Variants in PROSER1 observed in about 807,000 individuals in gnomAD.
PROSER1 encodes proline and serine rich 1.
Under a neutral mutation model 71.8 loss-of-function variants are expected in PROSER1, and 36 were observed. That is an observed-to-expected ratio of 0.50 (90% confidence interval 0.38 to 0.66). The LOEUF is 0.66. Ranked by LOEUF, PROSER1 falls within the 30% of genes least tolerant of loss-of-function variation. PROSER1 has a pLI of 0.00. For missense variants in PROSER1, 1,107 were observed against 1,135.0 expected, an observed-to-expected ratio of 0.98 and a Z score of 0.35; for synonymous variants, 490 against 452.4, an observed-to-expected ratio of 1.08 and a Z score of -1.06.
rs932844591 is a variant in PROSER1 at position 39,014,008 on chromosome 13, G to A, written c.1244C>T (p.Ala415Val). 6.2e-7 allele frequency: 1 copy of A among 1,613,746 alleles called. No homozygotes were observed. The highest frequency in any genetic ancestry group is 8.5e-7 in the Non-Finnish European group (1 of 1,179,708). Residue 415 changes from alanine (A) to valine (V), a missense_variant, in exon 11 of 13, where the codon GCT becomes GTT. Physicochemically the swap from Ala to Val is moderately conservative, Grantham distance 64 (BLOSUM62 0). Transcript: ENST00000352251. ...SLPFSTSSSA[A>V]STSNPNSASL... ...AGCAGAATTTGGGTTGCTGGTAGAA[G>A]CAGCAGAAGAGCTGGTGGAAAAGGG...
chr13:39,033,779 T>A (rs1261964414), intron 2 of PROSER1, among the ~76,000 whole-genome samples: 1 of 152,256 alleles, frequency 6.6e-6, no homozygotes. Context: ...TCTTTTATAT[T>A]ACATGACGAA....
At chr13:39,018,495 C>A (rs113065035) in intron 9 of PROSER1, among the ~76,000 whole-genome samples, 3,202 of 147,410 alleles carry the variant, frequency 0.022, 61 homozygotes, top group Middle Eastern at 0.052. Context: ...CACACACACA[C>A]ACACACACAC....
At chr13:39,036,794 C>T (rs533853358) in intron 1 of PROSER1, among the ~76,000 whole-genome samples, 41 of 152,290 alleles carry the variant, frequency 2.7e-4, no homozygotes, top group South Asian at 2.5e-3. Flanking sequence ...TTGAAAACCC[C>T]ATCATAATAA....
chr13:39,028,461 G>A, intron 4 of PROSER1, 141 bp from the exon 5 acceptor site: 1 of 458,488 alleles, frequency 2.2e-6, no homozygotes, highest in Non-Finnish European at 3.9e-6. Flanking sequence ...ACTTTTAACA[G>A]CTCAATTTAA....
intron 10 of PROSER1, among the ~76,000 whole-genome samples, chr13:39,014,945 T>C (rs1030822109): frequency 2.6e-5 from 4 of 152,160 alleles, no homozygotes; most frequent in Non-Finnish European, 5.9e-5. Context: ...TATTGTTTGT[T>C]GCCACTCTGT....
At position 39,028,260 on chromosome 13, in the gene PROSER1, A is replaced by G; in HGVS notation, c.336T>C (p.Ser112=). The G allele has an allele frequency of 6.3e-7, 1 of 1,596,602 alleles. No individual in the cohort carries two copies. The highest frequency in any genetic ancestry group is 8.6e-7 in the Non-Finnish European group (1 of 1,164,980). ...PIEDLFRVNM[S]EKKRCKRILE... Reference sequence around the variant, plus strand: ...GTATTCTCTTGCACCGTTTCTTCTCAGACATATTTACCCTGAATAAATCTT... The same window carrying G: ...GTATTCTCTTGCACCGTTTCTTCTCGGACATATTTACCCTGAATAAATCTT... The change falls in exon 5 of 13, where the codon TCT becomes TCC. Residue 112 remains serine, a synonymous_variant. Transcript: ENST00000352251.
At position 39,023,054 on chromosome 13, in the gene PROSER1, G is replaced by C. The variant is rs928093883; in HGVS notation, c.641C>G (p.Pro214Arg). 16 of 1,608,624 alleles carry C rather than the reference G, an allele frequency of 9.9e-6. No individual in the cohort carries two copies. Among genetic ancestry groups the C allele is most frequent in the Non-Finnish European group, 1.3e-5 (15 of 1,175,566 alleles). ...TAAAAAATAAGGGAACTCCTTACTT[G>C]GTGCAATAGTTGCATGTGGTCGGCA... ...PPCRPHATIA[P>R]SAYNNAGLVP... The change falls in exon 8 of 13, where the codon CCA (proline) becomes CGA (arginine). Residue 214 changes from proline (P) to arginine (R), a missense_variant and splice_region_variant. Transcript: ENST00000352251.
At chr13:39,023,262 G>A (rs1394856979) in intron 7 of PROSER1, 132 bp from the exon 8 acceptor site, 4 of 612,434 alleles carry the variant, frequency 6.5e-6, no homozygotes, top group African/African-American at 1.9e-5. Flanking sequence ...GACTACATGG[G>A]ACAACAAATG....
intron 2 of PROSER1, among the ~76,000 whole-genome samples, chr13:39,033,531 G>A (rs1037716044): frequency 7.9e-5 from 12 of 152,136 alleles, no homozygotes; most frequent in Non-Finnish European, 1.8e-4. Context: ...TCTCTATCAA[G>A]AATTTTCCAA....
intron 10 of PROSER1, among the ~76,000 whole-genome samples, 190 bp downstream of exon 10, chr13:39,017,310 A>C (rs1463218750): frequency 6.6e-6 from 1 of 152,262 alleles, no homozygotes; most frequent in Non-Finnish European, 1.5e-5. Flanking sequence ...TTCAGTTAAC[A>C]CGTGCATTTC....
At chr13:39,025,015 T>C (rs1260400860) in intron 6 of PROSER1, among the ~76,000 whole-genome samples, 4 of 152,180 alleles carry the variant, frequency 2.6e-5, no homozygotes, top group African/African-American at 4.8e-5. Context: ...TTATGCTGCA[T>C]TGTTTTACTG....
In PROSER1 at chr13:39,011,214, C is replaced by T. The variant is rs995453681; in HGVS notation, c.*151G>A. 4.0e-6 allele frequency: 3 copies of T among 749,704 alleles called. No homozygotes were observed. The highest frequency in any genetic ancestry group is 2.2e-6 in the Non-Finnish European group (1 of 450,864). 46.4% of individuals were successfully genotyped at this position (749,704 alleles called of 1,614,324 possible). A position where few individuals can be genotyped will look rare whatever the true frequency, so the allele number is the denominator to read the frequency against. On this transcript the variant is annotated 3_prime_UTR_variant, in exon 13 of 13. Coordinates refer to ENST00000352251, the MANE Select transcript of PROSER1 (RefSeq NM_025138.5). ...GGAGTGTTCACACTTTAAAATGCAA[C>T]CACAATTTTCAAATTGTTGTCACAA...
chr13:39,026,433 A>G (rs755865880), intron 5 of PROSER1, 46 bp from the exon 6 acceptor site: 30 of 1,263,630 alleles, frequency 2.4e-5, no homozygotes, highest in African/African-American at 1.0e-4. Flanking sequence ...TTCTTAAAAG[A>G]TAAGTATTCT....
In PROSER1 at chr13:39,037,269, A is replaced by C. The variant is rs1871160877; in HGVS notation, c.-27T>G. The C allele has an allele frequency of 1.3e-6, 2 of 1,575,208 alleles. No individual in the cohort carries two copies. The highest frequency in any genetic ancestry group is 1.7e-6 in the Non-Finnish European group (2 of 1,144,502). ...TTGACTACTATCCCGACGTGGTTTT[A>C]ACAGTTATACTTGCAATTAAAAGAC... On this transcript the variant is annotated 5_prime_UTR_variant, in exon 1 of 13. Transcript: ENST00000352251.
rs137855398 is a variant in PROSER1, at chr13:39,013,583, C to T, written c.1669G>A (p.Val557Ile). 1.9e-4 allele frequency: 299 copies of T among 1,614,092 alleles called. 1 individual carries two copies. The African/African-American group carries it at 3.6e-3, about 19-fold the overall frequency. Residue 557 changes from valine to isoleucine, a missense_variant, in exon 11 of 13, where the codon GTA (valine) becomes ATA (isoleucine). Coordinates refer to ENST00000352251, the MANE Select transcript of PROSER1 (RefSeq NM_025138.5). The stretch of plus-strand genomic sequence containing the variant: ...GCAGCAGTGGCTAAAGGAGACTGTA[C>T]AGGCAATGTCAGGGGAGTGGAAGTT... ...NSTSTPLTLP[V>I]QSPLATAASA...
chr13:39,030,125 C>G (rs1194075477), intron 3 of PROSER1, among the ~76,000 whole-genome samples: 7 of 152,122 alleles, frequency 4.6e-5, no homozygotes, highest in Non-Finnish European at 8.8e-5. Context: ...CTTTTATGTA[C>G]TACCAGAAGA....
chr13:39,023,010 A>C (rs374899014), intron 8 of PROSER1, 42 bp downstream of exon 8: 1 of 1,509,904 alleles, frequency 6.6e-7, no homozygotes, highest in African/African-American at 1.4e-5. Flanking sequence ...ATAAATAAAC[A>C]GCAAAAAAGA....
intron 2 of PROSER1, 50 bp downstream of exon 2, chr13:39,034,081 G>C (rs750978322): frequency 2.2e-6 from 3 of 1,336,010 alleles, no homozygotes; most frequent in African/African-American, 3.0e-5. Flanking sequence ...ACATTAACCA[G>C]AACATTGGTA....
At position 39,023,419 on chromosome 13, in the gene PROSER1, AG is replaced by A. The variant is rs1593534634; in HGVS notation, c.565-290del. On this transcript the variant is annotated intron_variant, in intron 7 of 12. Coordinates refer to ENST00000352251, the MANE Select transcript of PROSER1 (RefSeq NM_025138.5). ...TCATTGTAAACAGCAAACTCCTCCCAGGCCCAGCCTAAGTTAAACCAAGAAT... is the reference window on the plus strand; with the variant it reads ...TCATTGTAAACAGCAAACTCCTCCCAGCCCAGCCTAAGTTAAACCAAGAAT... 2.0e-5 allele frequency: 5 copies of A among 250,092 alleles called. No homozygotes were observed. In the East Asian group the frequency reaches 3.8e-4, roughly 19 times the overall value. The allele number at this position is 250,092 out of a possible 1,614,324, so 15.5% of individuals were successfully genotyped here.
Sources: gnomAD v4.1 joint callset for allele counts (sites outside exome capture counted in the v4.1 genomes callset) on GRCh38, gnomAD v4.1.1 for gene constraint, MANE v1.5 for transcripts, NCBI Gene and HGNC (gene_info 2026-07-23, HGNC 2026-07-21) for gene names.